Variants in GLP2R observed in about 807,000 individuals in gnomAD.
The protein encoded by GLP2R is glucagon-like peptide 2 receptor.
Under a neutral mutation model 68.2 loss-of-function variants are expected in GLP2R, and 59 were observed. The observed-to-expected ratio is 0.87, with a 90% CI of 0.70 to 1.07. The LOEUF is 1.07. Among genes scored for constraint, GLP2R ranks in the 50% least tolerant of loss-of-function variants. GLP2R has a pLI of 0.00. For missense variants in GLP2R, 548 were observed against 677.4 expected, an observed-to-expected ratio of 0.81 and a Z score of 2.12; for synonymous variants, 270 against 265.4, an observed-to-expected ratio of 1.02 and a Z score of -0.17.
intron 9 of GLP2R, among the ~76,000 whole-genome samples, chr17:9,868,689 G>A (rs954824172): frequency 6.6e-6 from 1 of 152,176 alleles, no homozygotes; most frequent in Non-Finnish European, 1.5e-5. Flanking sequence ...GTGGCAGTGA[G>A]GAAGTGCCTC....
At chr17:9,848,009 C>G in intron 4 of GLP2R, among the ~76,000 whole-genome samples, 1 of 152,228 alleles carries the variant, frequency 6.6e-6, no homozygotes, top group African/African-American at 2.4e-5. Context: ...CGTGAAGAAC[C>G]TTCAACTGGA....
chr17:9,850,788 G>A (rs541741349), intron 4 of GLP2R, among the ~76,000 whole-genome samples: 4 of 149,554 alleles, frequency 2.7e-5, no homozygotes, highest in African/African-American at 1.0e-4. Context: ...CCACCTCCAG[G>A]GTTCCAGTGA....
intron 9 of GLP2R, among the ~76,000 whole-genome samples, chr17:9,870,217 C>T (rs2067079722): frequency 6.6e-6 from 1 of 152,150 alleles, no homozygotes; most frequent in African/African-American, 2.4e-5. Flanking sequence ...ACTTACTTCT[C>T]TGTGCCTGTT....
intron 11 of GLP2R, among the ~76,000 whole-genome samples, chr17:9,886,442 C>G (rs1322178909): frequency 2.6e-5 from 4 of 152,200 alleles, no homozygotes; most frequent in Non-Finnish European, 4.4e-5. Flanking sequence ...ATGTGGAATC[C>G]TATTTTAGCC....
At chr17:9,877,834 G>T (rs892884849) in intron 10 of GLP2R, among the ~76,000 whole-genome samples, 2 of 138,138 alleles carry the variant, frequency 1.4e-5, no homozygotes, top group Non-Finnish European at 3.0e-5. Context: ...CCGAGATCCC[G>T]CCACTGCACT....
chr17:9,862,115 T>C (rs775412453), intron 9 of GLP2R, 25 bp downstream of exon 9: 1 of 1,559,776 alleles, frequency 6.4e-7, no homozygotes, highest in South Asian at 1.1e-5. Context: ...ATCCACCTCT[T>C]TGTCTCGGAG....
chr17:9,885,022 A>T (rs1039181097), intron 11 of GLP2R, among the ~76,000 whole-genome samples: 1 of 152,074 alleles, frequency 6.6e-6, no homozygotes, highest in Admixed American at 6.5e-5. Flanking sequence ...ATGTGGAGCT[A>T]TGTGAGGCAG....
chr17:9,860,753 T>C (rs1444633044), intron 7 of GLP2R, among the ~76,000 whole-genome samples: 3 of 152,164 alleles, frequency 2.0e-5, no homozygotes, highest in African/African-American at 4.8e-5. Flanking sequence ...AGAAGAGTTT[T>C]CTGATTAAAA....
At chr17:9,842,108 T>C (rs1398994390) in intron 3 of GLP2R, among the ~76,000 whole-genome samples, 1 of 152,126 alleles carries the variant, frequency 6.6e-6, no homozygotes, top group Non-Finnish European at 1.5e-5. Flanking sequence ...CCCCAGTCTG[T>C]CAGCCACGTG....
At chr17:9,847,003 A>G (rs2066845125) in intron 4 of GLP2R, among the ~76,000 whole-genome samples, 1 of 152,232 alleles carries the variant, frequency 6.6e-6, no homozygotes, top group Admixed American at 6.5e-5. Context: ...TCCTGAAGAA[A>G]GAAAGGCTAG....
rs2152040449 is a variant in GLP2R at position 9,862,097 on chromosome 17, A to T, written c.1056+7A>T. 6.2e-7 allele frequency: 1 copy of T among 1,603,352 alleles called. No individual in the cohort carries two copies. The highest frequency in any genetic ancestry group is 1.1e-5 in the South Asian group (1 of 90,746). ...CATGATGCTCTGTGTAACAGTAAGG[A>T]CCATCCCATCCACCTCTTTGTCTCG... On this transcript the variant is annotated splice_region_variant and intron_variant, in intron 9 of 12. Coordinates refer to ENST00000262441, the MANE Select transcript of GLP2R (RefSeq NM_004246.3).
chr17:9,866,097 G>T (rs1386688645), intron 9 of GLP2R: 8 of 339,528 alleles, frequency 2.4e-5, no homozygotes, highest in Admixed American at 4.1e-5. Flanking sequence ...GAATTTATGT[G>T]TCCCACCAGA....
intron 4 of GLP2R, among the ~76,000 whole-genome samples, chr17:9,853,870 C>A (rs1413033069): frequency 1.3e-5 from 2 of 152,136 alleles, no homozygotes; most frequent in Non-Finnish European, 2.9e-5. Flanking sequence ...AGCTATGTGG[C>A]CAAGACCAGA....
intron 3 of GLP2R, among the ~76,000 whole-genome samples, chr17:9,838,339 T>A (rs933736911): frequency 6.6e-6 from 1 of 152,168 alleles, no homozygotes; most frequent in Non-Finnish European, 1.5e-5. Context: ...GAGGAGTCAA[T>A]GAGAAGGCAC....
chr17:9,865,952 G>A (rs991215996), intron 9 of GLP2R: 2 of 470,514 alleles, frequency 4.3e-6, no homozygotes, highest in African/African-American at 4.0e-5. Flanking sequence ...AAAGGCATTA[G>A]ATCTTCATGT....
chr17:9,828,157 C>T (rs984011338), intron 1 of GLP2R, among the ~76,000 whole-genome samples: 1 of 152,112 alleles, frequency 6.6e-6, no homozygotes, highest in African/African-American at 2.4e-5. Context: ...TAACCCCTGC[C>T]AGATTTCCTA....
chr17:9,847,777 T>C lies in GLP2R; in HGVS notation c.504+5161T>C, dbSNP rs979109219. 1.2e-4 allele frequency among the ~76,000 whole-genome samples: 18 copies of C among 152,314 alleles called. No individual in the cohort carries two copies. The South Asian group carries it at 2.3e-3, about 19-fold the overall frequency. Reference sequence around the variant, plus strand: ...CGTTTCATAAACTAGCTATTTGGTCTAACAGGAGCCATCTGGTTCGGGCTC... The same window carrying C: ...CGTTTCATAAACTAGCTATTTGGTCCAACAGGAGCCATCTGGTTCGGGCTC... On this transcript the variant is annotated intron_variant, in intron 4 of 12. Coordinates refer to ENST00000262441, the MANE Select transcript of GLP2R (RefSeq NM_004246.3).
At chr17:9,855,779 T>G (rs2066929476) in intron 5 of GLP2R, among the ~76,000 whole-genome samples, 1 of 152,220 alleles carries the variant, frequency 6.6e-6, no homozygotes, top group African/African-American at 2.4e-5. Flanking sequence ...TGGTGGGTGA[T>G]GAAGCCAGGA....
At position 9,844,668 on chromosome 17, in the gene GLP2R, CTTTTTTTTTTTTTTTTTTTTTTT is replaced by C. The variant is rs71139004; in HGVS notation, c.504+2068_504+2090del. Among the ~76,000 whole-genome samples, 9 of 44,274 alleles carry C rather than the reference CTTTTTTTTTTTTTTTTTTTTTTT, an allele frequency of 2.0e-4. No homozygotes were observed. The South Asian group carries it at 2.9e-3, about 14-fold the overall frequency. The allele number at this position is 44,274 out of a possible 152,430, so 29.0% of individuals were successfully genotyped here. A position where few individuals can be genotyped will look rare whatever the true frequency, so the allele number is the denominator to read the frequency against. On this transcript the variant is annotated intron_variant, in intron 4 of 12. Coordinates refer to ENST00000262441, the MANE Select transcript of GLP2R (RefSeq NM_004246.3). The stretch of plus-strand genomic sequence containing the variant: ...ATTCTCAATATTTTACTACCTAATT[CTTTTTTTTTTTTTTTTTTTTTTT>C]TTTTTTTTTTTTTTTGTGAGGCAGA...
Sources: allele counts gnomAD v4.1 joint callset (sites outside exome capture counted in the v4.1 genomes callset), GRCh38; gene constraint gnomAD v4.1.1; transcripts MANE v1.5; gene names NCBI Gene and HGNC (gene_info 2026-07-23, HGNC 2026-07-21).